TBC1D19: variants seen among roughly 807,000 people sequenced by gnomAD.
TBC1D19 encodes TBC1 domain family member 19.
Under a neutral mutation model 89.0 loss-of-function variants are expected in TBC1D19, and 60 were observed. That is an observed-to-expected ratio of 0.67 (90% CI 0.55 to 0.84). TBC1D19 has a LOEUF of 0.84. Ranked by LOEUF, TBC1D19 falls within the 40% of genes least tolerant of loss-of-function variation. The pLI is 0.00. For missense variants in TBC1D19, 500 were observed against 610.8 expected (o/e 0.82, Z 1.91); for synonymous variants, 189 against 199.7 (o/e 0.95, Z 0.45).
intron 4 of TBC1D19, among the ~76,000 whole-genome samples, chr4:26,634,935 A>G (rs189234411): frequency 3.0e-4 from 46 of 152,276 alleles, no homozygotes; most frequent in Middle Eastern, 3.4e-3. Flanking sequence ...AACTCTGTAT[A>G]TTATGAGCTG....
At chr4:26,639,058 G>A (rs1694954368) in intron 6 of TBC1D19, among the ~76,000 whole-genome samples, 3 of 152,114 alleles carry the variant, frequency 2.0e-5, no homozygotes, top group African/African-American at 4.8e-5. Flanking sequence ...TTGTTTGTTT[G>A]TGTTTTTAGA....
At chr4:26,795,882 A>G in the TBC1D19 span, among the ~76,000 whole-genome samples, 4 of 152,350 alleles carry the variant, frequency 2.6e-5, no homozygotes, top group African/African-American at 9.6e-5. Flanking sequence ...TCTTTGTCCC[A>G]CATCTGCCCA....
intron 19 of TBC1D19, 84 bp from the exon 20 acceptor site, chr4:26,753,735 CA>C: frequency 7.0e-7 from 1 of 1,420,652 alleles, no homozygotes; most frequent in Non-Finnish European, 9.9e-7. Context: ...AGTTTCCGTG[CA>C]GTGGATTTTG....
chr4:26,842,612 C>CTT, the TBC1D19 span, among the ~76,000 whole-genome samples: 4 of 121,078 alleles, frequency 3.3e-5, no homozygotes, highest in Admixed American at 2.0e-4. Flanking sequence ...TTCTTTCTTT[C>CTT]TTTCTTTCTT....
chr4:26,578,771 C>T (rs1739018571), intron 1 of TBC1D19, among the ~76,000 whole-genome samples: 1 of 152,052 alleles, frequency 6.6e-6, no homozygotes, highest in African/African-American at 2.4e-5. Context: ...CCTCTTTTGC[C>T]CCAAGTTGTA....
the TBC1D19 span, among the ~76,000 whole-genome samples, chr4:26,780,327 C>T: frequency 3.9e-5 from 6 of 152,180 alleles, no homozygotes; most frequent in Non-Finnish European, 5.9e-5. Flanking sequence ...TAAAACTGGT[C>T]GTCAGAACAT....
the TBC1D19 span, among the ~76,000 whole-genome samples, chr4:26,841,227 A>T: frequency 6.6e-6 from 1 of 152,032 alleles, no homozygotes; most frequent in African/African-American, 2.4e-5. Flanking sequence ...TCTCTACCAA[A>T]AATACAAAAA....
chr4:26,829,537 G>A, the TBC1D19 span, among the ~76,000 whole-genome samples: 3 of 152,250 alleles, frequency 2.0e-5, no homozygotes, highest in South Asian at 2.1e-4. Flanking sequence ...GTAGGTGTTA[G>A]GGAGGAAAGG....
At chr4:26,579,361 T>C (rs1292879628), upstream of TBC1D19, among the ~76,000 whole-genome samples, 1 of 152,180 alleles carries the variant, frequency 6.6e-6, no homozygotes, top group East Asian at 1.9e-4. Flanking sequence ...CTAGCGGTGA[T>C]CATGTGACAA....
upstream of TBC1D19, among the ~76,000 whole-genome samples, chr4:26,579,088 A>G (rs1739023217): frequency 2.0e-5 from 3 of 152,206 alleles, no homozygotes; most frequent in Admixed American, 2.0e-4. Flanking sequence ...CACCTAGATA[A>G]GTACTATAAT....
the TBC1D19 span, among the ~76,000 whole-genome samples, chr4:26,805,271 T>C: frequency 6.6e-6 from 1 of 152,224 alleles, no homozygotes; most frequent in Non-Finnish European, 1.5e-5. Context: ...GACCCTCGTA[T>C]GTTAAGCTTC....
chr4:26,601,873 A>G (rs2109983913), intron 1 of TBC1D19, among the ~76,000 whole-genome samples: 1 of 152,320 alleles, frequency 6.6e-6, no homozygotes, highest in South Asian at 2.1e-4. Context: ...CTGTTCACTC[A>G]GCCTCTATTG....
At chr4:26,839,727 T>C in the TBC1D19 span, among the ~76,000 whole-genome samples, 1 of 152,242 alleles carries the variant, frequency 6.6e-6, no homozygotes. Context: ...AGATCACCAA[T>C]GCTTTCCTCC....
intron 3 of TBC1D19, among the ~76,000 whole-genome samples, chr4:26,616,992 A>G (rs1741739027): frequency 1.3e-5 from 2 of 152,220 alleles, no homozygotes; most frequent in African/African-American, 4.8e-5. Context: ...TATTATGATC[A>G]CCATTTTACA....
At chr4:26,658,581 G>T (rs933563540) in intron 7 of TBC1D19, among the ~76,000 whole-genome samples, 4 of 152,120 alleles carry the variant, frequency 2.6e-5, no homozygotes, top group African/African-American at 9.7e-5. Flanking sequence ...CTCTTTTTTG[G>T]TTCCATATGA....
At chr4:26,847,053 C>A in the TBC1D19 span, among the ~76,000 whole-genome samples, 1 of 152,188 alleles carries the variant, frequency 6.6e-6, no homozygotes, top group Non-Finnish European at 1.5e-5. Flanking sequence ...ATGTGAATGA[C>A]ATCCCCCTTT....
chr4:26,686,944 A>AT (rs1713865248), intron 12 of TBC1D19, among the ~76,000 whole-genome samples: 1 of 151,790 alleles, frequency 6.6e-6, no homozygotes. Flanking sequence ...TTTCTTTGTG[A>AT]TTTTCCCATG....
At chr4:26,738,260 C>T (rs527893862) in intron 16 of TBC1D19, among the ~76,000 whole-genome samples, 39 of 151,344 alleles carry the variant, frequency 2.6e-4, no homozygotes, top group African/African-American at 9.4e-4. Flanking sequence ...TTTTAAAATT[C>T]TCTTTTCATT....
At chr4:26,775,766 T>G in the TBC1D19 span, among the ~76,000 whole-genome samples, 1 of 152,304 alleles carries the variant, frequency 6.6e-6, no homozygotes, top group East Asian at 1.9e-4. Context: ...AAAGCCAGGA[T>G]TTGCTTGATC....
Sources: allele counts gnomAD v4.1 joint callset (sites outside exome capture counted in the v4.1 genomes callset), GRCh38; gene constraint gnomAD v4.1.1; transcripts MANE v1.5; gene names NCBI Gene and HGNC (gene_info 2026-07-23, HGNC 2026-07-21).